CTCF: variants seen among roughly 807,000 people sequenced by gnomAD.
CTCF encodes the protein CCCTC-binding factor.
In CTCF, 7 loss-of-function variants were observed where a neutral mutation model predicts 72.3. The observed-to-expected ratio is 0.10, with a 90% CI of 0.06 to 0.18. The LOEUF is 0.18. Ranked by LOEUF, CTCF falls within the 10% of genes least tolerant of loss-of-function variation. CTCF has a pLI of 1.00. For missense variants in CTCF, 516 were observed against 949.1 expected, an observed-to-expected ratio of 0.54 and a Z score of 6.00; for synonymous variants, 374 against 315.8, an observed-to-expected ratio of 1.18 and a Z score of -1.95.
chr16:67,608,018 C>CAAAAA, intron 2 of CTCF, among the ~76,000 whole-genome samples: 1 of 105,798 alleles, frequency 9.5e-6, no homozygotes, highest in Non-Finnish European at 1.9e-5. Context: ...GACTCCGACT[C>CAAAAA]AAAAAAAAAA....
intron 10 of CTCF, among the ~76,000 whole-genome samples, chr16:67,633,740 C>T (rs1006260054): frequency 6.6e-6 from 1 of 151,224 alleles, no homozygotes; most frequent in Admixed American, 6.6e-5. Context: ...AACAAGACCC[C>T]GCCTCAAAAA....
chr16:67,586,535 C>CAAA (rs1213215957), intron 2 of CTCF, among the ~76,000 whole-genome samples: 1 of 100,692 alleles, frequency 9.9e-6, no homozygotes. Context: ...GACTCCGTCT[C>CAAA]AAAAAAAAAA....
At chr16:67,566,315 C>T (rs1305621553) in intron 1 of CTCF, among the ~76,000 whole-genome samples, 1 of 151,546 alleles carries the variant, frequency 6.6e-6, no homozygotes. Context: ...ACCAGCCTGG[C>T]CAACATGGTG....
chr16:67,627,251 G>C (rs2142863746), intron 8 of CTCF: 1 of 152,372 alleles, frequency 6.6e-6, no homozygotes, highest in Non-Finnish European at 1.5e-5. Flanking sequence ...CCAGCACTTT[G>C]GGAGGCTGAG....
At chr16:67,570,226 GCCA>G in intron 1 of CTCF, among the ~76,000 whole-genome samples, 1 of 151,492 alleles carries the variant, frequency 6.6e-6, no homozygotes, top group Non-Finnish European at 1.5e-5. Flanking sequence ...ACAGGCACCC[GCCA>G]CCACACCCGG....
intron 8 of CTCF, 49 bp downstream of exon 8, chr16:67,626,764 T>C (rs2052292547): frequency 7.6e-6 from 10 of 1,320,178 alleles, no homozygotes; most frequent in Non-Finnish European, 9.9e-6. Context: ...TGTCTGGTGT[T>C]ATCAGAGGGC....
chr16:67,610,660 G>GGTT, intron 2 of CTCF, 164 bp from the exon 3 acceptor site: 1 of 413,892 alleles, frequency 2.4e-6, no homozygotes, highest in Admixed American at 4.2e-5. Context: ...GGCCAGTAGT[G>GGTT]GTTGTTTCTT....
At chr16:67,631,683 C>CCA (rs1380285333) in intron 10 of CTCF, among the ~76,000 whole-genome samples, 4 of 96,672 alleles carry the variant, frequency 4.1e-5, no homozygotes, top group Non-Finnish European at 7.5e-5. Flanking sequence ...CCCCCCCACC[C>CCA]CCCCCCCCTT....
intron 8 of CTCF, chr16:67,627,476 G>A (rs1476387420): frequency 6.6e-6 from 1 of 151,870 alleles, no homozygotes; most frequent in African/African-American, 2.4e-5. Context: ...GGGTGGCAGA[G>A]CGAGACTCTG....
At chr16:67,582,782 TAATC>T (rs974582660) in intron 2 of CTCF, among the ~76,000 whole-genome samples, 1 of 152,100 alleles carries the variant, frequency 6.6e-6, no homozygotes, top group African/African-American at 2.4e-5. Context: ...ATTTTTTTTT[TAATC>T]AAACCTTTTT....
At chr16:67,618,142 C>G (rs899141395) in intron 5 of CTCF, among the ~76,000 whole-genome samples, 1 of 152,110 alleles carries the variant, frequency 6.6e-6, no homozygotes, top group Non-Finnish European at 1.5e-5. Context: ...TGGTGGCTCA[C>G]GCCTGTAATC....
chr16:67,621,863 G>C (rs889923679), intron 7 of CTCF, among the ~76,000 whole-genome samples: 20 of 150,986 alleles, frequency 1.3e-4, no homozygotes, highest in Non-Finnish European at 4.4e-5. Context: ...GGAGGAGACA[G>C]AGTACACCTT....
rs1184181061 is a variant in CTCF, at chr16:67,562,545, G to C, written c.-306G>C. 1 of 150,558 alleles carries C rather than the reference G, an allele frequency of 6.6e-6. No homozygotes were observed. Among genetic ancestry groups the C allele is most frequent in the Non-Finnish European group, 1.5e-5 (1 of 67,646 alleles). The allele number at this position is 150,558 out of a possible 1,614,324, so 9.3% of individuals were successfully genotyped here. ...AGCGCCGACGCAGGCGCACTGCACCGCGCCGCCGCCATTTTGTGTCTGAGC... is the reference window on the plus strand; with the variant it reads ...AGCGCCGACGCAGGCGCACTGCACCCCGCCGCCGCCATTTTGTGTCTGAGC... On this transcript the variant is annotated 5_prime_UTR_variant, in exon 1 of 12. Coordinates refer to ENST00000264010, the MANE Select transcript of CTCF (RefSeq NM_006565.4).
intron 2 of CTCF, among the ~76,000 whole-genome samples, chr16:67,603,642 G>A (rs761381500): frequency 9.2e-5 from 14 of 151,664 alleles, no homozygotes; most frequent in African/African-American, 2.2e-4. Context: ...TGGCTAACAC[G>A]GTGAAACCCC....
At position 67,636,773 on chromosome 16, in the gene CTCF, G is replaced by A. The variant is rs1380495424; in HGVS notation, c.1921G>A (p.Val641Met). The A allele has an allele frequency of 1.9e-6, 3 of 1,606,980 alleles. No individual in the cohort carries two copies. The highest frequency in any genetic ancestry group is 1.7e-4 in the Middle Eastern group (1 of 6,048). Residue 641 changes from valine (V) to methionine (M), a missense_variant, in exon 11 of 12, where the codon GTG becomes ATG. This residue lies in a region of CTCF where 157 missense variants were observed against 172.9 expected (regional missense o/e 0.91). Coordinates refer to ENST00000264010, the MANE Select transcript of CTCF (RefSeq NM_006565.4). ...TGAACCTGAGCCAGAGCCTCAGCCT[G>A]TGACCCCAGCCCCACCACCCGCCAA... is the stretch of plus-strand genomic sequence containing the variant. ...EIEPEPEPQP[V>M]TPAPPPAKKR...
chr16:67,626,081 C>A (rs1420165166), intron 7 of CTCF, among the ~76,000 whole-genome samples: 1 of 151,998 alleles, frequency 6.6e-6, no homozygotes, highest in South Asian at 2.1e-4. Context: ...TAATTGTTCT[C>A]CCTGCACCTG....
chr16:67,628,286 C>G, intron 8 of CTCF, 84 bp from the exon 9 acceptor site: 1 of 1,271,952 alleles, frequency 7.9e-7, no homozygotes, highest in Non-Finnish European at 1.1e-6. Flanking sequence ...TGAGAAATAC[C>G]TGTTGGCCAC....
At chr16:67,628,265 C>A in intron 8 of CTCF, 105 bp from the exon 9 acceptor site, 1 of 998,124 alleles carries the variant, frequency 1.0e-6, no homozygotes, top group Non-Finnish European at 1.5e-6. Flanking sequence ...GGAGTCTAGA[C>A]CTAGCTTGGG....
chr16:67,572,800 T>C (rs1468679190), intron 2 of CTCF, among the ~76,000 whole-genome samples: 1 of 145,746 alleles, frequency 6.9e-6, no homozygotes, highest in African/African-American at 2.6e-5. Flanking sequence ...ACTAGCCGAG[T>C]GTGGTGGTGG....
Sources: allele counts gnomAD v4.1 joint callset (sites outside exome capture counted in the v4.1 genomes callset), GRCh38; gene constraint gnomAD v4.1.1; regional missense constraint gnomAD v4.1.1; transcripts MANE v1.5; gene names NCBI Gene and HGNC (gene_info 2026-07-23, HGNC 2026-07-21).